Variants in PLEKHG3 observed in about 807,000 individuals in gnomAD.
The protein encoded by PLEKHG3 is pleckstrin homology domain-containing family G member 3.
Under a neutral mutation model 94.9 loss-of-function variants are expected in PLEKHG3, and 62 were observed. The ratio of observed to expected loss-of-function variants is 0.65; its 90% CI spans 0.53 to 0.81. The LOEUF (loss-of-function observed/expected upper bound fraction) is 0.81. PLEKHG3 is among the 30% of genes least tolerant of loss of function. The probability of loss-of-function intolerance (pLI) is 0.00; values close to 1 mark genes in which losing one functional copy is unlikely to be tolerated. For missense variants in PLEKHG3, 1,461 were observed against 1,619.3 expected, an observed-to-expected ratio of 0.90 and a Z score of 1.68; for synonymous variants, 614 against 654.0, an observed-to-expected ratio of 0.94 and a Z score of 0.93.
rs751646567 is a variant in PLEKHG3 at position 64,749,504 on chromosome 14, G to T, written c.*5801G>T. ...GGGCGGAGGGTCACGGTGGAGTCTG[G>T]AGGCCCACAGCCCCCCACCTCCCGG... is the stretch of plus-strand genomic sequence containing the variant. On this transcript the variant is annotated 3_prime_UTR_variant, in exon 17 of 17. Coordinates refer to ENST00000247226, the MANE Select transcript of PLEKHG3 (RefSeq NM_001308147.2). The surrounding 1 kb of genome is among the most constrained non-coding windows in gnomAD (Gnocchi z 4.7). 1.5e-5 allele frequency: 24 copies of T among 1,597,842 alleles called. No homozygotes were observed. Among genetic ancestry groups the T allele is most frequent in the Non-Finnish European group, 2.0e-5 (24 of 1,177,722 alleles).
Position 64,749,853 on chromosome 14 carries a change from C to CTT in PLEKHG3, c.*6152_*6153dup. ...AGGTCAAAGTCTGGACCATCAGCCTCTTTGATTTGAAAAACCCCTGAGGAG... is the reference window on the plus strand; with the variant it reads ...AGGTCAAAGTCTGGACCATCAGCCTCTTTTTGATTTGAAAAACCCCTGAGGAG... On this transcript the variant is annotated 3_prime_UTR_variant, in exon 17 of 17. Transcript: ENST00000247226. The surrounding 1 kb of genome is among the most constrained non-coding windows in gnomAD (Gnocchi z 4.7). 2 of 1,506,132 alleles carry CTT rather than the reference C, an allele frequency of 1.3e-6. No homozygotes were observed. The highest frequency in any genetic ancestry group is 1.8e-6 in the Non-Finnish European group (2 of 1,089,552). The allele number at this position is 1,506,132 out of a possible 1,614,324, so 93.3% of individuals were successfully genotyped here. A position where few individuals can be genotyped will look rare whatever the true frequency, so the allele number is the denominator to read the frequency against.
In PLEKHG3 at chr14:64,730,710, G is replaced by A; in HGVS notation, c.566+22G>A. The A allele has an allele frequency of 6.2e-7, 1 of 1,612,894 alleles. No homozygotes were observed. The highest frequency in any genetic ancestry group is 8.5e-7 in the Non-Finnish European group (1 of 1,178,848). The stretch of plus-strand genomic sequence containing the variant: ...CCAAGTGAGTAATTGGGGTGAGAGG[G>A]AAGGCAGAGCCATTTGGTGAGTCCA... On this transcript the variant is annotated intron_variant, in intron 5 of 16. Transcript: ENST00000247226. The surrounding 1 kb of genome is among the most constrained non-coding windows in gnomAD (Gnocchi z 5.4).
At position 64,727,886 on chromosome 14, in the gene PLEKHG3, G is replaced by T. The variant is rs1008563609; in HGVS notation, c.255G>T (p.Gly85=). ...CGTTCAACAGCCGGGCAGCGGCAGG[G>T]CCTGCACACCACAAGCTCAGCTACC... ...LSPFNSRAAA[G]PAHHKLSYLG... is the part of the protein sequence containing the mutation. The change falls in exon 2 of 17, where the codon GGG becomes GGT. Residue 85 remains glycine (G), a synonymous_variant. Transcript: ENST00000247226. The surrounding 1 kb of genome is among the most constrained non-coding windows in gnomAD (Gnocchi z 6.0). The T allele has an allele frequency of 6.2e-7, 1 of 1,613,040 alleles. No individual in the cohort carries two copies. The highest frequency in any genetic ancestry group is 8.5e-7 in the Non-Finnish European group (1 of 1,179,540).
rs867583330 is a variant in PLEKHG3 at position 64,738,780 on chromosome 14, C to T, written c.1443C>T (p.Ser481=). The T allele has an allele frequency of 1.9e-6, 3 of 1,599,056 alleles. No individual in the cohort carries two copies. The highest frequency in any genetic ancestry group is 1.3e-5 in the African/African-American group (1 of 74,712). Residue 481 remains serine (S), a synonymous_variant, in exon 15 of 17, where the codon AGC becomes AGT. Transcript: ENST00000247226. This position sits in a 1 kb window ranked among gnomAD's most constrained non-coding sequence, Gnocchi z 4.8. ...GRRESESSRS[S]RRPSGRSPTS... ...GGGAGTCTGAAAGCTCCAGGAGCAG[C>T]AGAAGGCCCAGTGGCCGGTCTCCAA... is the stretch of plus-strand genomic sequence containing the variant.
At chr14:64,706,735 CTGTT>C (rs1162542145) in intron 1 of PLEKHG3, among the ~76,000 whole-genome samples, 1 of 152,260 alleles carries the variant, frequency 6.6e-6, no homozygotes, top group African/African-American at 2.4e-5. Context: ...CCCACGGTCA[CTGTT>C]TACGCTGGAA....
In PLEKHG3 at chr14:64,741,340, G is replaced by T. The variant is rs138471631; in HGVS notation, c.1823G>T (p.Arg608Leu). ...VLDQASVIAE[R>L]FVSSFSRRSS... The stretch of plus-strand genomic sequence containing the variant: ...GACCAGGCCAGCGTCATTGCGGAGC[G>T]ATTTGTCAGCAGCTTCTCTCGGCGG... Residue 608 changes from arginine (R) to leucine (L), a missense_variant, in exon 16 of 17, where the codon CGA (arginine) becomes CTA (leucine). By Grantham distance (102) the Arg-to-Leu change is moderately radical. Transcript: ENST00000247226. The T allele has an allele frequency of 1.2e-6, 2 of 1,613,536 alleles. No individual in the cohort carries two copies. Among genetic ancestry groups the T allele is most frequent in the Non-Finnish European group, 1.7e-6 (2 of 1,180,052 alleles).
chr14:64,730,126 C>A lies in PLEKHG3; in HGVS notation c.450-117C>A, dbSNP rs2139382217. On this transcript the variant is annotated intron_variant, in intron 3 of 16. Transcript: ENST00000247226. The surrounding 1 kb of genome is among the most constrained non-coding windows in gnomAD (Gnocchi z 5.4). ...CCCTCTGAGGCTAGAAGCCCCAGTT[C>A]TTTAGCAAAGCAATAGGGCTGGCTG... The A allele has an allele frequency of 4.7e-6, 3 of 635,790 alleles. No homozygotes were observed. The highest frequency in any genetic ancestry group is 8.4e-6 in the Non-Finnish European group (3 of 355,436). 39.4% of individuals were successfully genotyped at this position (635,790 alleles called of 1,614,324 possible).
At chr14:64,706,518 G>A (rs73271700) in intron 1 of PLEKHG3, among the ~76,000 whole-genome samples, 2,465 of 152,318 alleles carry the variant, frequency 0.016, 74 homozygotes, top group African/African-American at 0.057. Context: ...TTTGTGGAAA[G>A]TGCTCCATAA....
At position 64,739,698 on chromosome 14, in the gene PLEKHG3, G is replaced by A. The variant is rs1229011045; in HGVS notation, c.1518+843G>A. Among the ~76,000 whole-genome samples the A allele has an allele frequency of 2.6e-5, 4 of 152,248 alleles. No individual in the cohort carries two copies. Among genetic ancestry groups the A allele is most frequent in the Non-Finnish European group, 5.9e-5 (4 of 68,046 alleles). Reference sequence around the variant, plus strand: ...TCAAGATGCCAGCAGACCCTGGGGAGGGCTTGCCCTCTGCTTCGTAGATGG... The same window carrying A: ...TCAAGATGCCAGCAGACCCTGGGGAAGGCTTGCCCTCTGCTTCGTAGATGG... On this transcript the variant is annotated intron_variant, in intron 15 of 16. Coordinates refer to ENST00000247226, the MANE Select transcript of PLEKHG3 (RefSeq NM_001308147.2). The surrounding 1 kb of genome is among the most constrained non-coding windows in gnomAD (Gnocchi z 4.1).
At chr14:64,729,785 AGAG>A (rs1462886732) in intron 3 of PLEKHG3, among the ~76,000 whole-genome samples, 6 of 152,150 alleles carry the variant, frequency 3.9e-5, no homozygotes, top group South Asian at 2.1e-4. Context: ...GGTTGGGAAA[AGAG>A]GAGGAGCACA....
At position 64,731,807 on chromosome 14, in the gene PLEKHG3, G is replaced by A; in HGVS notation, c.1125+1G>A. ...CAGCAAGCAGCAGTACAGCATCCAG[G>A]TGAGGGGAAGGTGGGGCTCAGGGGC... On this transcript the variant is annotated splice_donor_variant, in intron 9 of 16. Coordinates refer to ENST00000247226, the MANE Select transcript of PLEKHG3 (RefSeq NM_001308147.2). LOFTEE classifies it high-confidence loss of function. The surrounding 1 kb of genome is among the most constrained non-coding windows in gnomAD (Gnocchi z 6.1). 1 of 1,607,822 alleles carries A rather than the reference G, an allele frequency of 6.2e-7. No homozygotes were observed. Among genetic ancestry groups the A allele is most frequent in the Non-Finnish European group, 8.5e-7 (1 of 1,174,592 alleles).
Position 64,746,570 on chromosome 14 carries a change from GGACCCTGGCTCCCTCC to G in PLEKHG3, c.*2870_*2885del, listed in dbSNP as rs1036958489. On this transcript the variant is annotated 3_prime_UTR_variant, in exon 17 of 17. Coordinates refer to ENST00000247226, the MANE Select transcript of PLEKHG3 (RefSeq NM_001308147.2). The surrounding 1 kb of genome is among the most constrained non-coding windows in gnomAD (Gnocchi z 4.9). ...GAAGAGGATTCAGGGTCAGCCTAGG[GGACCCTGGCTCCCTCC>G]GATAGGCAGGAAGGAGGAGGGATGC... 2.0e-5 allele frequency: 3 copies of G among 152,516 alleles called. No individual in the cohort carries two copies. Among genetic ancestry groups the G allele is most frequent in the Admixed American group, 2.0e-4 (3 of 15,268 alleles). 9.4% of individuals were successfully genotyped at this position (152,516 alleles called of 1,614,324 possible). A position where few individuals can be genotyped will look rare whatever the true frequency, so the allele number is the denominator to read the frequency against.
Position 64,749,228 on chromosome 14 carries a change from G to T in PLEKHG3, c.*5525G>T. 1 of 1,499,098 alleles carries T rather than the reference G, an allele frequency of 6.7e-7. No homozygotes were observed. 92.9% of individuals were successfully genotyped at this position (1,499,098 alleles called of 1,614,324 possible). A position where few individuals can be genotyped will look rare whatever the true frequency, so the allele number is the denominator to read the frequency against. ...ACTCATCTCGATTCGACCGGCGGGC[G>T]GCGGCGAGAGGAGGCCAAGGCCTGG... On this transcript the variant is annotated 3_prime_UTR_variant, in exon 17 of 17. Coordinates refer to ENST00000247226, the MANE Select transcript of PLEKHG3 (RefSeq NM_001308147.2). The surrounding 1 kb of genome is among the most constrained non-coding windows in gnomAD (Gnocchi z 4.7).
chr14:64,736,448 C>T (rs928617500), intron 12 of PLEKHG3, among the ~76,000 whole-genome samples: 4 of 152,208 alleles, frequency 2.6e-5, no homozygotes, highest in Admixed American at 2.0e-4. Context: ...CTGATATGCT[C>T]ATTGCCAGGG....
rs1377994776 is a variant in PLEKHG3, at chr14:64,732,366, A to G, written c.1213-61A>G. 4.0e-6 allele frequency: 6 copies of G among 1,499,626 alleles called. No homozygotes were observed. The highest frequency in any genetic ancestry group is 2.3e-5 in the South Asian group (2 of 88,770). The allele number at this position is 1,499,626 out of a possible 1,614,324, so 92.9% of individuals were successfully genotyped here. On this transcript the variant is annotated intron_variant, in intron 10 of 16. Transcript: ENST00000247226. The surrounding 1 kb of genome is among the most constrained non-coding windows in gnomAD (Gnocchi z 4.9). ...TCCTCGTACAGCAACAGTGGGTCCT[A>G]TGGGCAGGGAAGGCCGGCACATGGT...
At position 64,745,006 on chromosome 14, in the gene PLEKHG3, C is replaced by T. The variant is rs2081806895; in HGVS notation, c.*1303C>T. On this transcript the variant is annotated 3_prime_UTR_variant, in exon 17 of 17. Transcript: ENST00000247226. The surrounding 1 kb of genome is among the most constrained non-coding windows in gnomAD (Gnocchi z 5.0). The stretch of plus-strand genomic sequence containing the variant: ...GACCAGGCTGGTCTCGAACTTCTGA[C>T]CTCAGGTGATCCACCCACCTCGGCC... 6.6e-6 allele frequency: 1 copy of T among 152,096 alleles called. No individual in the cohort carries two copies. Among genetic ancestry groups the T allele is most frequent in the East Asian group, 1.9e-4 (1 of 5,178 alleles). The allele number at this position is 152,096 out of a possible 1,614,324, so 9.4% of individuals were successfully genotyped here.
intron 12 of PLEKHG3, among the ~76,000 whole-genome samples, chr14:64,736,155 T>C (rs1214807825): frequency 6.6e-6 from 1 of 152,376 alleles, no homozygotes; most frequent in East Asian, 1.9e-4. Context: ...GCCGAGGCTC[T>C]GTAGAACTGG....
chr14:64,742,141 G>T lies in PLEKHG3; in HGVS notation c.2624G>T (p.Arg875Leu). 1 of 1,611,324 alleles carries T rather than the reference G, an allele frequency of 6.2e-7. No individual in the cohort carries two copies. Among genetic ancestry groups the T allele is most frequent in the Non-Finnish European group, 8.5e-7 (1 of 1,179,932 alleles). ...GAAAGCTCCTCTCCCACTGAGGGGC[G>T]CAGCCCGGCCCACCTGGCCCGGGAG... ...SPESSSPTEG[R>L]SPAHLARELK... Residue 875 changes from arginine (R) to leucine (L), a missense_variant, in exon 16 of 17, where the codon CGC becomes CTC. Physicochemically the swap from Arg to Leu is moderately radical, Grantham distance 102. Transcript: ENST00000247226.
At position 64,743,447 on chromosome 14, in the gene PLEKHG3, A is replaced by T; in HGVS notation, c.3404A>T (p.Asp1135Val). 2 of 1,613,022 alleles carry T rather than the reference A, an allele frequency of 1.2e-6. No individual in the cohort carries two copies. Among genetic ancestry groups the T allele is most frequent in the Non-Finnish European group, 1.7e-6 (2 of 1,179,942 alleles). The stretch of plus-strand genomic sequence containing the variant: ...GGCGAGACCCTGTATGTCACTGCAG[A>T]CCTCACCCTGGAGGACAACCGGCGG... ...DGGETLYVTA[D>V]LTLEDNRRVI... is the part of the protein sequence containing the mutation. Residue 1135 changes from aspartate (D) to valine (V), a missense_variant, in exon 17 of 17, where the codon GAC becomes GTC. This residue lies in a region of PLEKHG3 where 1,201 missense variants were observed against 1,295.5 expected (regional missense o/e 0.93). Transcript: ENST00000247226. The surrounding 1 kb of genome is among the most constrained non-coding windows in gnomAD (Gnocchi z 7.2).
Sources: gnomAD v4.1 joint callset for allele counts (sites outside exome capture counted in the v4.1 genomes callset) on GRCh38, gnomAD v4.1.1 for gene constraint, gnomAD v4.1.1 regional missense constraint, Gnocchi (gnomAD v3.1) non-coding constraint, MANE v1.5 for transcripts, NCBI Gene and HGNC (gene_info 2026-07-23, HGNC 2026-07-21) for gene names.